ETV6: variants seen among roughly 807,000 people sequenced by gnomAD.
ETV6 encodes transcription factor ETV6.
A neutral mutation model predicts 51.1 loss-of-function variants in ETV6; 16 were observed. That is an observed-to-expected ratio of 0.31 (90% confidence interval 0.21 to 0.48). ETV6 has a LOEUF of 0.48. ETV6 is among the 20% of genes least tolerant of loss of function. The pLI is 0.99. For synonymous variants in ETV6, 240 were observed against 224.1 expected, an observed-to-expected ratio of 1.07 and a Z score of -0.64; for missense variants, 458 against 594.8, an observed-to-expected ratio of 0.77 and a Z score of 2.39.
chr12:11,730,279 A>G (rs1854678434), intron 1 of ETV6, among the ~76,000 whole-genome samples: 1 of 152,154 alleles, frequency 6.6e-6, no homozygotes, highest in African/African-American at 2.4e-5. Context: ...TGGTGAGAAA[A>G]CCTTATCCCT....
intron 2 of ETV6, among the ~76,000 whole-genome samples, chr12:11,766,966 A>G (rs1945170469): frequency 6.6e-6 from 1 of 152,248 alleles, no homozygotes; most frequent in South Asian, 2.1e-4. Context: ...ATCAGCCTGC[A>G]TGTGGTGCTT....
intron 2 of ETV6, among the ~76,000 whole-genome samples, chr12:11,808,482 A>G (rs1007884823): frequency 2.0e-5 from 3 of 152,178 alleles, no homozygotes. Flanking sequence ...ATAAAAAAAT[A>G]CAGACTTTCA....
chr12:11,830,754 A>G (rs561841436), intron 2 of ETV6, among the ~76,000 whole-genome samples: 1 of 152,370 alleles, frequency 6.6e-6, no homozygotes, highest in Admixed American at 6.5e-5. Flanking sequence ...AGCTACATGC[A>G]TGGACATGTT....
chr12:11,832,268 A>C (rs1946254353), intron 2 of ETV6, among the ~76,000 whole-genome samples: 1 of 152,232 alleles, frequency 6.6e-6, no homozygotes, highest in African/African-American at 2.4e-5. Flanking sequence ...CCCATGAAGG[A>C]GAATGATTGT....
Position 11,874,577 on chromosome 12 carries a change from T to C in ETV6, c.1009+4608T>C, listed in dbSNP as rs76711420. Among the ~76,000 whole-genome samples, 47 of 11,178 alleles carry C rather than the reference T, an allele frequency of 4.2e-3. 17 individuals carry two copies. Among genetic ancestry groups the C allele is most frequent in the Admixed American group, 7.2e-3 (6 of 830 alleles). 7.3% of individuals were successfully genotyped at this position (11,178 alleles called of 152,430 possible). On this transcript the variant is annotated intron_variant, in intron 5 of 7. Transcript: ENST00000396373. ...ATATGTGTATGTGCGTGTGTACACA[T>C]ATATGTGTGTATACACATATATGTG...
intron 3 of ETV6, chr12:11,840,440 T>A (rs1355724866): frequency 1.1e-5 from 5 of 456,110 alleles, no homozygotes; most frequent in Non-Finnish European, 2.2e-5. Flanking sequence ...AAGGCCCTCC[T>A]TTTACTGAAT....
chr12:11,742,153 C>G (rs998243760), intron 1 of ETV6, among the ~76,000 whole-genome samples: 5 of 152,202 alleles, frequency 3.3e-5, no homozygotes, highest in African/African-American at 1.2e-4. Context: ...ACAAGAGTTT[C>G]CTTCTTATTT....
chr12:11,777,938 G>A (rs773240181), intron 2 of ETV6, among the ~76,000 whole-genome samples: 1 of 152,152 alleles, frequency 6.6e-6, no homozygotes, highest in Non-Finnish European at 1.5e-5. Context: ...TGAAGCCCAA[G>A]AGCTGGGACT....
intron 5 of ETV6, among the ~76,000 whole-genome samples, chr12:11,883,959 A>ATCTT (rs2136593083): frequency 6.6e-6 from 1 of 152,048 alleles, no homozygotes; most frequent in East Asian, 1.9e-4. Context: ...CAGCCTTCTC[A>ATCTT]TCTTTATCCA....
chr12:11,812,609 A>G (rs954653042), intron 2 of ETV6, among the ~76,000 whole-genome samples: 3 of 151,982 alleles, frequency 2.0e-5, no homozygotes, highest in African/African-American at 7.3e-5. Flanking sequence ...TCGGGAGAGG[A>G]TCTTACCAGA....
intron 5 of ETV6, among the ~76,000 whole-genome samples, chr12:11,882,813 C>T (rs1182149550): frequency 6.6e-6 from 1 of 152,212 alleles, no homozygotes; most frequent in African/African-American, 2.4e-5. Flanking sequence ...CTCTGCAATG[C>T]GGATGTGTTG....
At chr12:11,785,284 C>T (rs1178048627) in intron 2 of ETV6, among the ~76,000 whole-genome samples, 1 of 152,182 alleles carries the variant, frequency 6.6e-6, no homozygotes, top group Non-Finnish European at 1.5e-5. Flanking sequence ...CAAATATATA[C>T]TTGAACCACT....
chr12:11,817,029 T>C (rs1946004025), intron 2 of ETV6, among the ~76,000 whole-genome samples: 1 of 152,246 alleles, frequency 6.6e-6, no homozygotes, highest in Middle Eastern at 3.4e-3. Flanking sequence ...TCTGGTGATG[T>C]GCTGTGAACA....
At chr12:11,787,054 A>G (rs1290871650) in intron 2 of ETV6, among the ~76,000 whole-genome samples, 1 of 152,222 alleles carries the variant, frequency 6.6e-6, no homozygotes, top group East Asian at 1.9e-4. Flanking sequence ...TGAAAGAGTA[A>G]TGGGGCCCAT....
chr12:11,857,585 CTT>C (rs2136503347), intron 4 of ETV6, among the ~76,000 whole-genome samples: 1 of 152,312 alleles, frequency 6.6e-6, no homozygotes, highest in South Asian at 2.1e-4. Flanking sequence ...TACCAACACA[CTT>C]ATGACAGTGA....
intron 5 of ETV6, among the ~76,000 whole-genome samples, chr12:11,880,716 A>G (rs1416528041): frequency 6.6e-6 from 1 of 152,188 alleles, no homozygotes; most frequent in African/African-American, 2.4e-5. Context: ...ACCCACCTTC[A>G]TATGGGCAAA....
At chr12:11,738,233 CCTCCT>C (rs1865743013) in intron 1 of ETV6, among the ~76,000 whole-genome samples, 3 of 69,976 alleles carry the variant, frequency 4.3e-5, no homozygotes, top group Non-Finnish European at 1.2e-4. Context: ...TCCCTCCCTC[CCTCCT>C]TCCCTCCTTC....
chr12:11,692,675 G>A (rs997898444), intron 1 of ETV6, among the ~76,000 whole-genome samples: 1 of 152,160 alleles, frequency 6.6e-6, no homozygotes, highest in South Asian at 2.1e-4. Context: ...AACTAGGCAG[G>A]CATTGTCTTA....
At chr12:11,730,768 G>A (rs1197017963) in intron 1 of ETV6, among the ~76,000 whole-genome samples, 2 of 152,238 alleles carry the variant, frequency 1.3e-5, no homozygotes, top group African/African-American at 2.4e-5. Context: ...TAGAGCAGAA[G>A]TAGAGGAATG....
Sources: allele counts gnomAD v4.1 joint callset (sites outside exome capture counted in the v4.1 genomes callset), GRCh38; gene constraint gnomAD v4.1.1; transcripts MANE v1.5; gene names NCBI Gene and HGNC (gene_info 2026-07-23, HGNC 2026-07-21).